ERICH6B: variants seen among roughly 807,000 people sequenced by gnomAD.
The protein encoded by ERICH6B is glutamate rich 6B.
A neutral mutation model predicts 80.0 loss-of-function variants in ERICH6B; 69 were observed. The ratio of observed to expected loss-of-function variants is 0.86; its 90% CI spans 0.71 to 1.05. ERICH6B has a LOEUF of 1.05. ERICH6B is among the 50% of genes least tolerant of loss of function. The pLI, the probability that ERICH6B is intolerant of heterozygous loss-of-function variation, is 0.00. For missense variants in ERICH6B, 754 were observed against 796.1 expected (o/e 0.95, Z 0.64); for synonymous variants, 283 against 291.9 (o/e 0.97, Z 0.31).
intron 1 of ERICH6B, among the ~76,000 whole-genome samples, chr13:45,607,892 G>A (rs1385035714): frequency 2.0e-5 from 3 of 152,124 alleles, no homozygotes; most frequent in Non-Finnish European, 1.5e-5. Flanking sequence ...AGGCTCCCTG[G>A]GCACTGCAGA....
At chr13:45,585,158 A>C (rs1875846898) in intron 5 of ERICH6B, among the ~76,000 whole-genome samples, 1 of 152,128 alleles carries the variant, frequency 6.6e-6, no homozygotes, top group Non-Finnish European at 1.5e-5. Flanking sequence ...GTCAGTTCGC[A>C]GTATGGCTTG....
intron 2 of ERICH6B, among the ~76,000 whole-genome samples, chr13:45,606,828 A>G (rs1288982507): frequency 6.6e-6 from 1 of 151,836 alleles, no homozygotes; most frequent in African/African-American, 2.4e-5. Context: ...TGCTGGTATT[A>G]CAGGCGTGAG....
chr13:45,558,838 AT>A (rs1176484704), intron 11 of ERICH6B, among the ~76,000 whole-genome samples: 3 of 152,114 alleles, frequency 2.0e-5, no homozygotes, highest in Non-Finnish European at 4.4e-5. Context: ...GTTAGTTAGT[AT>A]TTTGTTAAGG....
At chr13:45,590,941 T>C (rs1876131055) in intron 3 of ERICH6B, among the ~76,000 whole-genome samples, 1 of 152,218 alleles carries the variant, frequency 6.6e-6, no homozygotes, top group African/African-American at 2.4e-5. Context: ...GAGTTTGCTT[T>C]GCTTATCTCT....
At chr13:45,577,276 C>CTTTTTTTTTTTTTTTTTTTTTTTTTTTT (rs34244794) in intron 7 of ERICH6B, among the ~76,000 whole-genome samples, 10 of 86,088 alleles carry the variant, frequency 1.2e-4, no homozygotes, top group South Asian at 5.4e-4. Flanking sequence ...AAAAACAAAT[C>CTTTTTTTTTTTTTTTTTTTTTTTTTTTT]TTTTTTTTTT....
chr13:45,581,187 C>T lies in ERICH6B; in HGVS notation c.857-522G>A, dbSNP rs1003820016. On this transcript the variant is annotated intron_variant, in intron 5 of 14. Transcript: ENST00000298738. ...TGCTAAGATTTGCAATGGGAAGCTACTGTATATATATATTTAGGACTTTTG... is the reference window on the plus strand; with the variant it reads ...TGCTAAGATTTGCAATGGGAAGCTATTGTATATATATATTTAGGACTTTTG... Among the ~76,000 whole-genome samples, 19 of 152,122 alleles carry T rather than the reference C, an allele frequency of 1.2e-4. 3 individuals are homozygous for T. The highest frequency in any genetic ancestry group is 1.2e-3 in the Admixed American group (18 of 15,282).
Position 45,550,047 on chromosome 13 carries a change from T to C in ERICH6B, c.1494-2A>G. The stretch of plus-strand genomic sequence containing the variant: ...ATAGCCAGGTTTCCTGATGGATAAC[T>C]GGGAGAAGGTTAAGGCACAAGTAGT... On this transcript the variant is annotated splice_acceptor_variant, in intron 12 of 14. Coordinates refer to ENST00000298738, the MANE Select transcript of ERICH6B (RefSeq NM_182542.3). LOFTEE classifies it high-confidence loss of function. The C allele has an allele frequency of 6.4e-7, 1 of 1,551,596 alleles. No homozygotes were observed. Among genetic ancestry groups the C allele is most frequent in the Admixed American group, 2.0e-5 (1 of 51,008 alleles).
intron 2 of ERICH6B, among the ~76,000 whole-genome samples, chr13:45,605,746 T>C (rs1949854167): frequency 6.6e-6 from 1 of 152,198 alleles, no homozygotes; most frequent in African/African-American, 2.4e-5. Flanking sequence ...TAAACAATAA[T>C]TCTCCGTGAT....
At chr13:45,560,027 T>C (rs749742972) in intron 11 of ERICH6B, among the ~76,000 whole-genome samples, 2 of 152,152 alleles carry the variant, frequency 1.3e-5, no homozygotes, top group South Asian at 2.1e-4. Context: ...TTAGGTCCAG[T>C]AGTAATTGTT....
At chr13:45,584,077 G>A (rs1337168188) in intron 5 of ERICH6B, among the ~76,000 whole-genome samples, 1 of 152,206 alleles carries the variant, frequency 6.6e-6, no homozygotes, top group Non-Finnish European at 1.5e-5. Context: ...TGAATCAGAT[G>A]AGCATTCAAC....
At chr13:45,553,942 A>G (rs1182682617) in intron 11 of ERICH6B, among the ~76,000 whole-genome samples, 5 of 152,178 alleles carry the variant, frequency 3.3e-5, no homozygotes, top group Admixed American at 2.6e-4. Context: ...CATATGCATT[A>G]CCTCACATAT....
intron 5 of ERICH6B, among the ~76,000 whole-genome samples, chr13:45,583,989 T>C (rs1298263005): frequency 6.6e-6 from 1 of 152,226 alleles, no homozygotes; most frequent in Non-Finnish European, 1.5e-5. Context: ...TGTACGTAGT[T>C]CTATCTACAG....
At chr13:45,559,523 T>C (rs1184377912) in intron 11 of ERICH6B, among the ~76,000 whole-genome samples, 9 of 152,050 alleles carry the variant, frequency 5.9e-5, no homozygotes, top group Non-Finnish European at 1.2e-4. Context: ...CTTTTTGATG[T>C]AGGCATTTAG....
chr13:45,567,734 T>G (rs1193405676), intron 9 of ERICH6B, among the ~76,000 whole-genome samples: 1 of 152,110 alleles, frequency 6.6e-6, no homozygotes, highest in Non-Finnish European at 1.5e-5. Flanking sequence ...GCTGGAACAG[T>G]TTGTGACCTG....
intron 1 of ERICH6B, among the ~76,000 whole-genome samples, chr13:45,611,444 T>C (rs1156717814): frequency 1.3e-5 from 2 of 152,196 alleles, no homozygotes; most frequent in African/African-American, 4.8e-5. Flanking sequence ...ACAAAGCAAT[T>C]TTGTTTTTCA....
rs1875017866 is a variant in ERICH6B, at chr13:45,568,475, A to G, written c.1051-24T>C. ...AACTACAAAAGGATCAAAGAATGAA[A>G]TATTCAGAAAATGGAAATTAATGAT... On this transcript the variant is annotated intron_variant, in intron 8 of 14. Transcript: ENST00000298738. The G allele has an allele frequency of 1.0e-5, 15 of 1,467,422 alleles. No homozygotes were observed. The East Asian group carries it at 4.0e-4, about 39-fold the overall frequency. The allele number at this position is 1,467,422 out of a possible 1,614,324, so 90.9% of individuals were successfully genotyped here.
intron 2 of ERICH6B, among the ~76,000 whole-genome samples, chr13:45,597,942 G>A (rs941828570): frequency 2.0e-5 from 3 of 152,126 alleles, no homozygotes; most frequent in Non-Finnish European, 2.9e-5. Flanking sequence ...TGGGTTTCCT[G>A]AGACCCCTGC....
intron 4 of ERICH6B, among the ~76,000 whole-genome samples, chr13:45,587,815 G>A (rs923107218): frequency 3.3e-5 from 5 of 152,192 alleles, no homozygotes; most frequent in Non-Finnish European, 7.3e-5. Flanking sequence ...TTTCTCAGGA[G>A]TCTCTGGCTT....
chr13:45,571,638 T>C (rs916582746), intron 8 of ERICH6B, among the ~76,000 whole-genome samples: 2 of 152,208 alleles, frequency 1.3e-5, no homozygotes, highest in African/African-American at 2.4e-5. Context: ...AATTCATATG[T>C]TGAAGTTCAA....
Sources: allele counts gnomAD v4.1 joint callset (sites outside exome capture counted in the v4.1 genomes callset), GRCh38; gene constraint gnomAD v4.1.1; transcripts MANE v1.5; gene names NCBI Gene and HGNC (gene_info 2026-07-23, HGNC 2026-07-21).